The following ZNF565 variants were observed in gnomAD, a reference collection of about 807,000 sequenced individuals.
ZNF565 encodes the protein zinc finger protein 565.
A neutral mutation model predicts 39.4 loss-of-function variants in ZNF565; 27 were observed. That is an observed-to-expected ratio of 0.69 (90% CI 0.51 to 0.95). The LOEUF is 0.95. ZNF565 is among the 40% of genes least tolerant of loss of function. ZNF565 has a pLI of 0.00. For missense variants in ZNF565, 524 were observed against 621.1 expected (o/e 0.84, Z 1.66); for synonymous variants, 185 against 216.6 (o/e 0.85, Z 1.28).
At chr19:36,193,871 G>A (rs1975663256) in intron 4 of ZNF565, among the ~76,000 whole-genome samples, 1 of 152,128 alleles carries the variant, frequency 6.6e-6, no homozygotes, top group African/African-American at 2.4e-5. Context: ...AGAGATGGAG[G>A]CTGCAGTGAG....
chr19:36,211,241 G>A (rs1057026279), intron 1 of ZNF565, among the ~76,000 whole-genome samples: 4 of 151,632 alleles, frequency 2.6e-5, no homozygotes, highest in East Asian at 1.9e-4. Context: ...TCAGGAGTTC[G>A]AGACCAGCCT....
chr19:36,232,207 A>C (rs929340645), intron 1 of ZNF565, among the ~76,000 whole-genome samples: 1 of 152,086 alleles, frequency 6.6e-6, no homozygotes, highest in Non-Finnish European at 1.5e-5. Flanking sequence ...AAAAAAAAAA[A>C]AAAAACATAC....
At chr19:36,211,488 A>ACACACACACACACAC (rs1568423884) in intron 1 of ZNF565, among the ~76,000 whole-genome samples, 5 of 111,754 alleles carry the variant, frequency 4.5e-5, no homozygotes, top group African/African-American at 1.3e-4. Context: ...CACACACACA[A>ACACACACACACACAC]TTCTAATTAA....
chr19:36,185,017 C>G (rs1051892664), intron 4 of ZNF565, among the ~76,000 whole-genome samples: 1 of 151,616 alleles, frequency 6.6e-6, no homozygotes, highest in African/African-American at 2.4e-5. Context: ...GCTTGGGAGA[C>G]CGAGACACAA....
chr19:36,207,015 C>T (rs1976180911), intron 1 of ZNF565, among the ~76,000 whole-genome samples: 1 of 152,060 alleles, frequency 6.6e-6, no homozygotes, highest in African/African-American at 2.4e-5. Context: ...GCACGCCTTG[C>T]ACCAGGAGCG....
chr19:36,201,288 C>A (rs12608941), intron 2 of ZNF565, among the ~76,000 whole-genome samples: 1 of 151,814 alleles, frequency 6.6e-6, no homozygotes, highest in East Asian at 1.9e-4. Flanking sequence ...GGTGACAGAG[C>A]GAGACCCTGT....
upstream of ZNF565, among the ~76,000 whole-genome samples, chr19:36,215,384 G>A (rs888952973): frequency 2.0e-5 from 3 of 152,118 alleles, no homozygotes; most frequent in African/African-American, 7.2e-5. Flanking sequence ...AGTTTGACCT[G>A]ATGTTTGGGA....
chr19:36,227,406 A>AT (rs1231638601), intron 1 of ZNF565, among the ~76,000 whole-genome samples: 2,129 of 139,632 alleles, frequency 0.015, 51 homozygotes, highest in African/African-American at 0.052. Context: ...AAAAAAAAAG[A>AT]TTTTTTTTTT....
At position 36,198,450 on chromosome 19, in the gene ZNF565, T is replaced by A. The variant is rs117686808; in HGVS notation, c.10-3294A>T. Among the ~76,000 whole-genome samples the A allele has an allele frequency of 2.7e-3, 409 of 152,164 alleles. 1 individual carries two copies. Among genetic ancestry groups the A allele is most frequent in the Non-Finnish European group, 3.9e-3 (264 of 68,014 alleles). On this transcript the variant is annotated intron_variant, in intron 2 of 4. Transcript: ENST00000304116. The stretch of plus-strand genomic sequence containing the variant: ...ATCAAAACAATTCAACTCATGGTCA[T>A]AGAGAGTAGAAGGATGATTACTGAA...
chr19:36,193,296 T>A (rs1975632491), intron 4 of ZNF565, among the ~76,000 whole-genome samples: 2 of 151,928 alleles, frequency 1.3e-5, no homozygotes, highest in South Asian at 4.2e-4. Context: ...TTTTGTATTT[T>A]TAGTAGAGAC....
intron 1 of ZNF565, among the ~76,000 whole-genome samples, chr19:36,244,194 C>T (rs1372608577): frequency 6.6e-6 from 1 of 152,156 alleles, no homozygotes; most frequent in African/African-American, 2.4e-5. Flanking sequence ...TTCTTGCCAC[C>T]TCACCACAAA....
chr19:36,241,040 C>T (rs977908467), intron 1 of ZNF565, among the ~76,000 whole-genome samples: 1 of 152,218 alleles, frequency 6.6e-6, no homozygotes. Context: ...GACTTCCCAG[C>T]CTCCAGAACT....
At chr19:36,237,626 C>T (rs1249083622) in intron 1 of ZNF565, 9 of 228,044 alleles carry the variant, frequency 3.9e-5, no homozygotes, top group South Asian at 1.2e-4. Flanking sequence ...TGGAGATCTT[C>T]GCCAGTAACA....
upstream of ZNF565, among the ~76,000 whole-genome samples, chr19:36,217,110 T>G (rs992762171): frequency 2.3e-5 from 3 of 129,658 alleles, no homozygotes; most frequent in African/African-American, 8.8e-5. Flanking sequence ...TTGCCCAGTC[T>G]AGAGTGCAGT....
chr19:36,208,576 A>G (rs796661095), intron 1 of ZNF565, among the ~76,000 whole-genome samples: 5 of 152,172 alleles, frequency 3.3e-5, no homozygotes, highest in East Asian at 3.9e-4. Context: ...ATCCTTCTGG[A>G]AAGTTGAGCT....
In ZNF565 at chr19:36,186,850, A is replaced by G. The variant is rs576768813; in HGVS notation, c.233-3117T>C. Among the ~76,000 whole-genome samples, 22 of 152,234 alleles carry G rather than the reference A, an allele frequency of 1.4e-4. No homozygotes were observed. In the South Asian group the frequency reaches 2.9e-3, roughly 20 times the overall value. The stretch of plus-strand genomic sequence containing the variant: ...AAATACCAAAATCTAGGTGCACAGT[A>G]GTAACAAGTAACACACTTTAAGACA... On this transcript the variant is annotated intron_variant, in intron 4 of 4. Transcript: ENST00000304116.
chr19:36,239,280 A>C (rs1977755324), intron 1 of ZNF565, among the ~76,000 whole-genome samples: 1 of 151,004 alleles, frequency 6.6e-6, no homozygotes, highest in Non-Finnish European at 1.5e-5. Context: ...TCTCCTGCAT[A>C]TTTCCATGGG....
At chr19:36,216,823 T>TG (rs1976627752), upstream of ZNF565, among the ~76,000 whole-genome samples, 1 of 87,990 alleles carries the variant, frequency 1.1e-5, no homozygotes, top group African/African-American at 4.9e-5. Context: ...CCAACACATT[T>TG]TAAATATAAA....
chr19:36,211,036 T>C (rs1976335558), intron 1 of ZNF565, among the ~76,000 whole-genome samples: 1 of 151,708 alleles, frequency 6.6e-6, no homozygotes, highest in African/African-American at 2.4e-5. Context: ...ATATATAACC[T>C]ATAGAATAAA....
Sources: allele counts gnomAD v4.1 joint callset (sites outside exome capture counted in the v4.1 genomes callset), GRCh38; gene constraint gnomAD v4.1.1; transcripts MANE v1.5; gene names NCBI Gene and HGNC (gene_info 2026-07-23, HGNC 2026-07-21).